Variants in PKIB observed in about 807,000 individuals in gnomAD.
PKIB encodes PKI-beta.
PKIB carries 2 observed loss-of-function variants against 4.5 expected under a neutral mutation model. That is an observed-to-expected ratio of 0.44 (90% CI 0.18 to 1.39). The LOEUF is 1.39. Ranked by LOEUF, PKIB falls within the 40% of genes most tolerant of loss-of-function variation. The pLI is 0.27. For synonymous variants in PKIB, 38 were observed against 36.0 expected (o/e 1.06, Z -0.20); for missense variants, 94 against 92.6 (o/e 1.02, Z -0.06).
chr6:122,685,958 T>G (rs1322813496), intron 3 of PKIB, among the ~76,000 whole-genome samples: 1 of 152,188 alleles, frequency 6.6e-6, no homozygotes, highest in Non-Finnish European at 1.5e-5. Context: ...GTCTTCCAAT[T>G]CCATCCATGT....
rs1775316883 is a variant in PKIB, at chr6:122,471,954, TC to T, written c.-423del. 38 of 1,111,674 alleles carry T rather than the reference TC, an allele frequency of 3.4e-5. 2 individuals are homozygous for T. In the South Asian group the frequency reaches 6.3e-4, roughly 18 times the overall value. 68.9% of individuals were successfully genotyped at this position (1,111,674 alleles called of 1,614,324 possible). A position where few individuals can be genotyped will look rare whatever the true frequency, so the allele number is the denominator to read the frequency against. Reference sequence around the variant, plus strand: ...GCGTCACTAGACGACACGGCTGTCTTCTTTCCTGGAGAATTTCTCAAGGACT... The same window carrying T: ...GCGTCACTAGACGACACGGCTGTCTTTTTCCTGGAGAATTTCTCAAGGACT... On this transcript the variant is annotated 5_prime_UTR_variant, in exon 1 of 7. Coordinates refer to the PKIB transcript ENST00000392491.
intron 2 of PKIB, among the ~76,000 whole-genome samples, chr6:122,637,278 T>G (rs1775953092): frequency 6.6e-6 from 1 of 152,122 alleles, no homozygotes; most frequent in East Asian, 1.9e-4. Context: ...TTTTCTTGAT[T>G]TTTTGAGGGG....
intron 2 of PKIB, among the ~76,000 whole-genome samples, chr6:122,641,880 A>G (rs1776132971): frequency 6.6e-6 from 1 of 152,018 alleles, no homozygotes; most frequent in African/African-American, 2.4e-5. Context: ...TTTAGTAGAG[A>G]CCAGGTTTCA....
At chr6:122,633,909 G>T (rs991806312) in intron 2 of PKIB, among the ~76,000 whole-genome samples, 1 of 147,890 alleles carries the variant, frequency 6.8e-6, no homozygotes, top group Non-Finnish European at 1.5e-5. Context: ...TTTGTGTGCT[G>T]GTATCTCACA....
chr6:122,697,325 A>G (rs1172980675), intron 3 of PKIB, among the ~76,000 whole-genome samples: 1 of 152,072 alleles, frequency 6.6e-6, no homozygotes, highest in Non-Finnish European at 1.5e-5. Flanking sequence ...GTTTTATCAG[A>G]TATCAAGCCT....
intron 2 of PKIB, among the ~76,000 whole-genome samples, chr6:122,564,872 G>T (rs2114680270): frequency 6.6e-6 from 1 of 152,262 alleles, no homozygotes; most frequent in East Asian, 1.9e-4. Context: ...TGCCGCCAGT[G>T]TTAGGGTTTC....
chr6:122,605,998 C>T (rs1476958715), upstream of PKIB, among the ~76,000 whole-genome samples: 1 of 152,094 alleles, frequency 6.6e-6, no homozygotes. Context: ...ATGGTGGTCT[C>T]TAAAAAGATA....
intron 2 of PKIB, among the ~76,000 whole-genome samples, chr6:122,558,295 T>C (rs1354341212): frequency 3.9e-5 from 6 of 152,226 alleles, no homozygotes; most frequent in Non-Finnish European, 7.3e-5. Context: ...AGTTCCAGGC[T>C]TATATTCTAC....
intron 2 of PKIB, among the ~76,000 whole-genome samples, chr6:122,572,733 A>G (rs1271260748): frequency 6.6e-6 from 1 of 152,108 alleles, no homozygotes; most frequent in East Asian, 1.9e-4. Context: ...AGTGAGATTA[A>G]CCAAGAAAAG....
rs1392845131 is a variant in PKIB, at chr6:122,549,999, C to T, written c.-247-35922C>T. On this transcript the variant is annotated intron_variant, in intron 2 of 6. Transcript: ENST00000392491. ...GCACCATCTCAGCTCACTGCAACCTCTGCCTCCTGGGTTCAAGTCATTCTC... is the reference window on the plus strand; with the variant it reads ...GCACCATCTCAGCTCACTGCAACCTTTGCCTCCTGGGTTCAAGTCATTCTC... Among the ~76,000 whole-genome samples the T allele has an allele frequency of 2.6e-5, 4 of 151,902 alleles. No individual in the cohort carries two copies. The South Asian group carries it at 8.3e-4, about 32-fold the overall frequency.
At chr6:122,507,330 T>G (rs1776441116) in intron 2 of PKIB, among the ~76,000 whole-genome samples, 1 of 152,184 alleles carries the variant, frequency 6.6e-6, no homozygotes, top group Non-Finnish European at 1.5e-5. Context: ...AACACTATTA[T>G]TAACATAAAC....
At chr6:122,513,198 C>T (rs1776640610) in intron 2 of PKIB, among the ~76,000 whole-genome samples, 1 of 152,188 alleles carries the variant, frequency 6.6e-6, no homozygotes, top group Non-Finnish European at 1.5e-5. Flanking sequence ...GCATACAGTA[C>T]TAGCCTTAAG....
intron 1 of PKIB, among the ~76,000 whole-genome samples, chr6:122,622,268 T>G (rs538914947): frequency 1.3e-5 from 2 of 151,308 alleles, no homozygotes; most frequent in East Asian, 3.9e-4. Flanking sequence ...TTATGGAAAC[T>G]TTCAAAGTCA....
At chr6:122,635,642 G>C (rs922319213) in intron 2 of PKIB, among the ~76,000 whole-genome samples, 1 of 150,028 alleles carries the variant, frequency 6.7e-6, no homozygotes, top group Non-Finnish European at 1.5e-5. Context: ...CAATAAAATA[G>C]AATACAACAC....
At chr6:122,617,562 T>C (rs1775046571) in intron 1 of PKIB, among the ~76,000 whole-genome samples, 1 of 152,192 alleles carries the variant, frequency 6.6e-6, no homozygotes, top group Non-Finnish European at 1.5e-5. Context: ...TACTCATAGA[T>C]ATTTATTTTT....
chr6:122,592,044 C>CTTT (rs1173085939), intron 3 of PKIB, among the ~76,000 whole-genome samples: 1 of 149,572 alleles, frequency 6.7e-6, no homozygotes, highest in African/African-American at 2.5e-5. Flanking sequence ...CCTTAGTTTC[C>CTTT]TTTTCCTGAA....
At chr6:122,659,151 A>G (rs1266884056) in intron 2 of PKIB, among the ~76,000 whole-genome samples, 2 of 152,186 alleles carry the variant, frequency 1.3e-5, no homozygotes, top group East Asian at 1.9e-4. Flanking sequence ...TTGTTTCCTG[A>G]CAAAGTTTAA....
chr6:122,502,334 G>C (rs573419017), intron 2 of PKIB, among the ~76,000 whole-genome samples: 1 of 151,932 alleles, frequency 6.6e-6, no homozygotes, highest in South Asian at 2.1e-4. Context: ...TTCTGTAGTA[G>C]TCTATTTTTA....
At chr6:122,484,709 C>G (rs548649197) in intron 2 of PKIB, among the ~76,000 whole-genome samples, 1 of 152,232 alleles carries the variant, frequency 6.6e-6, no homozygotes, top group South Asian at 2.1e-4. Context: ...TGTATGATCT[C>G]AAACCCTGAA....
Sources: allele counts gnomAD v4.1 joint callset (sites outside exome capture counted in the v4.1 genomes callset), GRCh38; gene constraint gnomAD v4.1.1; transcripts MANE v1.5; gene names NCBI Gene and HGNC (gene_info 2026-07-23, HGNC 2026-07-21).